The following SENP7 variants were observed in gnomAD, a reference collection of about 807,000 sequenced individuals.
The protein encoded by SENP7 is SUMO specific peptidase 7.
A neutral mutation model predicts 141.2 loss-of-function variants in SENP7; 64 were observed. That is an observed-to-expected ratio of 0.45 (90% CI 0.37 to 0.56). The LOEUF (loss-of-function observed/expected upper bound fraction) is 0.56. SENP7 is among the 20% of genes least tolerant of loss of function. The probability of loss-of-function intolerance (pLI) is 0.00; values close to 1 mark genes in which losing one functional copy is unlikely to be tolerated. For missense variants in SENP7, 1,025 were observed against 1,212.2 expected, an observed-to-expected ratio of 0.85 and a Z score of 2.29; for synonymous variants, 382 against 426.4, an observed-to-expected ratio of 0.90 and a Z score of 1.28.
Position 101,429,671 on chromosome 3 carries a change from C to T in SENP7, c.285-11881G>A, listed in dbSNP as rs531204448. 2.6e-5 allele frequency among the ~76,000 whole-genome samples: 4 copies of T among 152,204 alleles called. No homozygotes were observed. In the South Asian group the frequency reaches 8.3e-4, roughly 32 times the overall value. ...TTGACTTCCTCCCTTCCTATCTGAA[C>T]ACCCTTTATTTCTTTCTCTTGCCTG... On this transcript the variant is annotated intron_variant, in intron 4 of 23. Transcript: ENST00000394095.
In SENP7 at chr3:101,364,870, C is replaced by T. The variant is rs188327823; in HGVS notation, c.1440G>A (p.Leu480=). The T allele has an allele frequency of 1.9e-6, 3 of 1,601,188 alleles. No individual in the cohort carries two copies. In the African/African-American group the frequency reaches 4.0e-5, roughly 22 times the overall value. The part of the protein sequence containing the change: ...NENESTSESA[L]LELPLITCES... ...CACATGTAATCAATGGTAGTTCTAA[C>T]AATGCTGATTCAGAAGTACTCTCAT... Residue 480 remains leucine (L), a synonymous_variant, in exon 10 of 24, where the codon TTG becomes TTA. Transcript: ENST00000394095.
intron 23 of SENP7, among the ~76,000 whole-genome samples, 197 bp downstream of exon 23, chr3:101,327,469 C>T (rs1176568801): frequency 6.6e-6 from 1 of 152,096 alleles, no homozygotes; most frequent in African/African-American, 2.4e-5. Flanking sequence ...TTTGCTTCCC[C>T]TTCCACCATG....
chr3:101,396,669 C>T (rs1251141676), intron 6 of SENP7, among the ~76,000 whole-genome samples: 2 of 152,130 alleles, frequency 1.3e-5, no homozygotes, highest in Non-Finnish European at 2.9e-5. Context: ...CATTAAATGA[C>T]ATAAGCATTA....
In SENP7 at chr3:101,367,877, G is replaced by T; in HGVS notation, c.931C>A (p.Pro311Thr). 1 of 1,609,662 alleles carries T rather than the reference G, an allele frequency of 6.2e-7. No individual in the cohort carries two copies. Among genetic ancestry groups the T allele is most frequent in the Non-Finnish European group, 8.5e-7 (1 of 1,176,444 alleles). Residue 311 changes from proline (P) to threonine (T), a missense_variant, in exon 8 of 24, where the codon CCT (proline) becomes ACT (threonine). Coordinates refer to ENST00000394095, the MANE Select transcript of SENP7 (RefSeq NM_020654.5). The stretch of plus-strand genomic sequence containing the variant: ...AAAGAAGTACAATATTGAGAATCAG[G>T]TAAATTATTTCTAAGCCTTCTCTTT... ...KTKRRLRNNLPDSQYCTSLDK... is the reference protein window; with the variant it reads ...KTKRRLRNNLTDSQYCTSLDK...
intron 19 of SENP7, among the ~76,000 whole-genome samples, chr3:101,330,972 C>T (rs923719784): frequency 1.3e-5 from 2 of 151,876 alleles, no homozygotes; most frequent in African/African-American, 4.8e-5. Context: ...TAAGAAAACT[C>T]GTGGAAGAAT....
intron 17 of SENP7, among the ~76,000 whole-genome samples, chr3:101,334,526 T>C (rs1311696025): frequency 6.6e-6 from 1 of 152,112 alleles, no homozygotes; most frequent in East Asian, 1.9e-4. Context: ...CAAAACTCTA[T>C]GGGTAAACAT....
intron 4 of SENP7, among the ~76,000 whole-genome samples, chr3:101,428,879 A>G (rs1447654643): frequency 6.6e-6 from 1 of 152,204 alleles, no homozygotes; most frequent in Non-Finnish European, 1.5e-5. Context: ...ATAAGGTCTA[A>G]GGAAGGAGTC....
chr3:101,399,102 T>TA (rs762804347), intron 5 of SENP7, 47 bp from the exon 6 acceptor site: 341 of 1,198,168 alleles, frequency 2.8e-4, no homozygotes, highest in South Asian at 4.6e-4. Context: ...AGTTTTCAGT[T>TA]AAAAAAAAAT....
At chr3:101,453,290 T>C (rs1027134623) in intron 4 of SENP7, among the ~76,000 whole-genome samples, 8 of 152,318 alleles carry the variant, frequency 5.3e-5, no homozygotes, top group African/African-American at 1.4e-4. Context: ...AGTTCAACCA[T>C]TGTGGAAGTC....
At chr3:101,437,926 TA>T (rs984662713) in intron 4 of SENP7, among the ~76,000 whole-genome samples, 124 of 139,494 alleles carry the variant, frequency 8.9e-4, no homozygotes, top group Admixed American at 1.1e-3. Context: ...ACTACAAATT[TA>T]AAAAAAAAAA....
At chr3:101,332,922 C>T (rs1199283832) in intron 17 of SENP7, 60 bp from the exon 18 acceptor site, 5 of 1,461,860 alleles carry the variant, frequency 3.4e-6, no homozygotes, top group Non-Finnish European at 4.6e-6. Flanking sequence ...ATAGGGACTT[C>T]AAGAGCCATT....
At chr3:101,488,221 T>C (rs1455838880) in intron 3 of SENP7, among the ~76,000 whole-genome samples, 1 of 152,174 alleles carries the variant, frequency 6.6e-6, no homozygotes, top group African/African-American at 2.4e-5. Flanking sequence ...TTTAAGCCTA[T>C]TGCAAATGGG....
At chr3:101,353,393 C>T (rs1338837172) in intron 11 of SENP7, among the ~76,000 whole-genome samples, 3 of 151,900 alleles carry the variant, frequency 2.0e-5, no homozygotes, top group African/African-American at 4.8e-5. Flanking sequence ...ATCAAATGCT[C>T]GGGAGCTATC....
chr3:101,349,650 G>A (rs772561740), intron 12 of SENP7, among the ~76,000 whole-genome samples: 11 of 151,896 alleles, frequency 7.2e-5, no homozygotes, highest in South Asian at 2.1e-4. Context: ...AGACCTGCAC[G>A]TTGTGCACAT....
chr3:101,375,699 C>T (rs1178983042), intron 6 of SENP7, among the ~76,000 whole-genome samples: 1 of 151,888 alleles, frequency 6.6e-6, no homozygotes, highest in East Asian at 1.9e-4. Context: ...TTCACAATAG[C>T]CAAAAGGTGA....
At chr3:101,346,507 A>C (rs1018764810) in intron 13 of SENP7, among the ~76,000 whole-genome samples, 1 of 152,264 alleles carries the variant, frequency 6.6e-6, no homozygotes, top group African/African-American at 2.4e-5. Context: ...GAAGCAGCCC[A>C]AATGCCCATC....
chr3:101,325,647 CCCATATTACATATGCTGTTGCA>C lies in SENP7; in HGVS notation c.*274_*295del, dbSNP rs1369254500. On this transcript the variant is annotated 3_prime_UTR_variant, in exon 24 of 24. Coordinates refer to ENST00000394095, the MANE Select transcript of SENP7 (RefSeq NM_020654.5). ...TAAGTTTTATTATCTACAAAACATT[CCCATATTACATATGCTGTTGCA>C]TAATCCAATCATATTTACTCAGAAA... 3 of 166,638 alleles carry C rather than the reference CCCATATTACATATGCTGTTGCA, an allele frequency of 1.8e-5. No individual in the cohort carries two copies. Among genetic ancestry groups the C allele is most frequent in the African/African-American group, 7.2e-5 (3 of 41,942 alleles). 10.3% of individuals were successfully genotyped at this position (166,638 alleles called of 1,614,324 possible). A position where few individuals can be genotyped will look rare whatever the true frequency, so the allele number is the denominator to read the frequency against.
chr3:101,473,739 T>TTAGATCCCATTTGTCAATTTTTGC (rs1260945821), intron 3 of SENP7, among the ~76,000 whole-genome samples: 1 of 152,234 alleles, frequency 6.6e-6, no homozygotes, highest in Non-Finnish European at 1.5e-5. Context: ...TTTAGTTTAG[T>TTAGATCCCATTTGTCAATTTTTGC]TAGATCCCAT....
chr3:101,471,581 T>C (rs1340205252), intron 3 of SENP7, among the ~76,000 whole-genome samples: 2 of 152,120 alleles, frequency 1.3e-5, no homozygotes, highest in East Asian at 3.8e-4. Flanking sequence ...CCATTCAGGA[T>C]ATAGGCATAG....
Sources: gnomAD v4.1 joint callset for allele counts (sites outside exome capture counted in the v4.1 genomes callset) on GRCh38, gnomAD v4.1.1 for gene constraint, MANE v1.5 for transcripts, NCBI Gene and HGNC (gene_info 2026-07-23, HGNC 2026-07-21) for gene names.